Variants in KCNAB1 observed in about 807,000 individuals in gnomAD.
KCNAB1 encodes the protein voltage-gated potassium channel subunit beta-1.
KCNAB1 carries 35 observed loss-of-function variants against 64.6 expected under a neutral mutation model. The ratio of observed to expected loss-of-function variants is 0.54; its 90% CI spans 0.41 to 0.72. The LOEUF is 0.72. Ranked by LOEUF, KCNAB1 falls within the 30% of genes least tolerant of loss-of-function variation. KCNAB1 has a pLI of 0.00. For missense variants in KCNAB1, 401 were observed against 512.9 expected, an observed-to-expected ratio of 0.78 and a Z score of 2.11; for synonymous variants, 177 against 183.8, an observed-to-expected ratio of 0.96 and a Z score of 0.30.
At chr3:156,333,054 T>C (rs979051906) in intron 1 of KCNAB1, among the ~76,000 whole-genome samples, 7 of 152,110 alleles carry the variant, frequency 4.6e-5, no homozygotes, top group Admixed American at 3.3e-4. Context: ...GGAGTGAAAA[T>C]GTGTCTGGGT....
intron 1 of KCNAB1, among the ~76,000 whole-genome samples, chr3:156,363,700 A>T (rs1012433560): frequency 6.6e-6 from 1 of 151,648 alleles, no homozygotes; most frequent in African/African-American, 2.4e-5. Context: ...GTGGTCTTAA[A>T]CTCCTGACCT....
intron 8 of KCNAB1, among the ~76,000 whole-genome samples, chr3:156,482,630 A>G (rs539419422): frequency 6.6e-6 from 1 of 152,158 alleles, no homozygotes; most frequent in Admixed American, 6.5e-5. Flanking sequence ...CCTCAATTCA[A>G]ATCCTCTTTC....
intron 1 of KCNAB1, among the ~76,000 whole-genome samples, chr3:156,271,725 T>C (rs1308162433): frequency 6.6e-6 from 1 of 152,184 alleles, no homozygotes; most frequent in Non-Finnish European, 1.5e-5. Flanking sequence ...TGACGTCATG[T>C]TTTTCTAGAT....
At chr3:156,136,182 C>G (rs1714335118) in intron 1 of KCNAB1, among the ~76,000 whole-genome samples, 1 of 152,080 alleles carries the variant, frequency 6.6e-6, no homozygotes, top group Non-Finnish European at 1.5e-5. Flanking sequence ...ATGTGGTAAC[C>G]CTTAGACACT....
intron 7 of KCNAB1, among the ~76,000 whole-genome samples, chr3:156,470,986 G>A (rs978471641): frequency 6.6e-6 from 1 of 152,142 alleles, no homozygotes; most frequent in Non-Finnish European, 1.5e-5. Context: ...AGAAGCAGGT[G>A]TCTCAAATTA....
intron 1 of KCNAB1, among the ~76,000 whole-genome samples, chr3:156,269,307 T>C (rs1718896824): frequency 1.3e-5 from 2 of 152,212 alleles, no homozygotes; most frequent in Admixed American, 1.3e-4. Flanking sequence ...CCAAAATTCC[T>C]CTTGTTGTTG....
chr3:156,354,039 GTA>G (rs760414662), intron 1 of KCNAB1, among the ~76,000 whole-genome samples: 5 of 136,458 alleles, frequency 3.7e-5, no homozygotes, highest in Admixed American at 2.2e-4. Context: ...ATGTGTGTGT[GTA>G]TATATATGTG....
At chr3:156,222,223 G>T (rs189419679) in intron 1 of KCNAB1, among the ~76,000 whole-genome samples, 2 of 152,254 alleles carry the variant, frequency 1.3e-5, no homozygotes, top group Admixed American at 1.3e-4. Flanking sequence ...AAGGTAAAGG[G>T]GGGCGGGAAG....
chr3:156,467,209 C>G (rs115755819), intron 7 of KCNAB1, among the ~76,000 whole-genome samples: 2,871 of 152,062 alleles, frequency 0.019, 115 homozygotes, highest in African/African-American at 0.066. Flanking sequence ...AAGTGAAAAA[C>G]AGAATGTTGT....
chr3:156,178,001 G>A (rs1036592853), intron 1 of KCNAB1, among the ~76,000 whole-genome samples: 5 of 152,192 alleles, frequency 3.3e-5, no homozygotes, highest in Admixed American at 1.3e-4. Context: ...CTCCCAAAGC[G>A]CTGGGATTAC....
intron 1 of KCNAB1, among the ~76,000 whole-genome samples, chr3:156,356,040 A>G (rs1197134383): frequency 2.7e-5 from 4 of 150,834 alleles, no homozygotes; most frequent in African/African-American, 9.7e-5. Context: ...GAGGATTTCT[A>G]TAGCCTGGGA....
chr3:156,315,210 G>A (rs752587195), intron 1 of KCNAB1, among the ~76,000 whole-genome samples: 10 of 152,252 alleles, frequency 6.6e-5, no homozygotes, highest in East Asian at 1.9e-4. Flanking sequence ...GGTGCTATGC[G>A]AGTGCCTGCT....
At chr3:156,434,095 G>A (rs1334671918) in intron 2 of KCNAB1, among the ~76,000 whole-genome samples, 2 of 152,152 alleles carry the variant, frequency 1.3e-5, no homozygotes, top group East Asian at 3.8e-4. Flanking sequence ...GGAGCCATGT[G>A]GGAGAGAAAA....
intron 1 of KCNAB1, among the ~76,000 whole-genome samples, chr3:156,237,046 G>C (rs915733586): frequency 6.6e-6 from 1 of 152,198 alleles, no homozygotes; most frequent in Admixed American, 6.5e-5. Context: ...TAGGCTCTTT[G>C]TAAGGACGGA....
At chr3:156,255,722 G>T (rs1220098445) in intron 1 of KCNAB1, among the ~76,000 whole-genome samples, 1 of 152,058 alleles carries the variant, frequency 6.6e-6, no homozygotes, top group African/African-American at 2.4e-5. Flanking sequence ...ACTTTTCAAG[G>T]TCCAGAGTAA....
At chr3:156,528,023 TG>T (rs1230769899) in intron 12 of KCNAB1, among the ~76,000 whole-genome samples, 3 of 152,232 alleles carry the variant, frequency 2.0e-5, no homozygotes, top group East Asian at 3.8e-4. Flanking sequence ...GGTTCTCCTG[TG>T]CCCTACAGGC....
chr3:156,486,388 C>T (rs7644005), intron 8 of KCNAB1, among the ~76,000 whole-genome samples: 57,157 of 151,984 alleles, frequency 0.38, 13,481 homozygotes, highest in African/African-American at 0.68. Flanking sequence ...GAGAAGGGCA[C>T]GTATGAAGAA....
chr3:156,366,076 T>C (rs1725926183), intron 1 of KCNAB1, among the ~76,000 whole-genome samples: 1 of 152,168 alleles, frequency 6.6e-6, no homozygotes, highest in East Asian at 1.9e-4. Flanking sequence ...CTCAAAAAGT[T>C]GATAAAAATT....
intron 1 of KCNAB1, among the ~76,000 whole-genome samples, chr3:156,356,174 AAAAAAG>A (rs1045733457): frequency 3.4e-5 from 5 of 147,116 alleles, no homozygotes; most frequent in African/African-American, 1.4e-4. Context: ...GCAAGCAAGA[AAAAAAG>A]AAAAAGAAAG....
Sources: gnomAD v4.1 joint callset for allele counts (sites outside exome capture counted in the v4.1 genomes callset) on GRCh38, gnomAD v4.1.1 for gene constraint, MANE v1.5 for transcripts, NCBI Gene and HGNC (gene_info 2026-07-23, HGNC 2026-07-21) for gene names.